The following PIK3R5 variants were observed in gnomAD, a reference collection of about 807,000 sequenced individuals.
The protein encoded by PIK3R5 is phosphoinositide 3-kinase regulatory subunit 5.
PIK3R5 carries 32 observed loss-of-function variants against 94.9 expected under a neutral mutation model. That is an observed-to-expected ratio of 0.34 (90% confidence interval 0.25 to 0.45). The LOEUF is 0.45. PIK3R5 is among the 20% of genes least tolerant of loss of function. The pLI is 1.00. For missense variants in PIK3R5, 853 were observed against 1,144.6 expected, an observed-to-expected ratio of 0.75 and a Z score of 3.68; for synonymous variants, 443 against 479.4, an observed-to-expected ratio of 0.92 and a Z score of 0.99.
rs1341285535 is a variant in PIK3R5, at chr17:8,881,719, G to A, written c.2300-7C>T. Reference sequence around the variant, plus strand: ...AGGGCCTCCATGCTGGAATCTGAGGGGCAAGGACACTCAGGCCAGGCTCAG... The same window carrying A: ...AGGGCCTCCATGCTGGAATCTGAGGAGCAAGGACACTCAGGCCAGGCTCAG... On this transcript the variant is annotated splice_polypyrimidine_tract_variant and splice_region_variant and intron_variant, in intron 16 of 18. Coordinates refer to ENST00000447110, the MANE Select transcript of PIK3R5 (RefSeq NM_001142633.3). The surrounding 1 kb of genome is among the most constrained non-coding windows in gnomAD (Gnocchi z 4.8). 2 of 1,613,646 alleles carry A rather than the reference G, an allele frequency of 1.2e-6. No individual in the cohort carries two copies. The highest frequency in any genetic ancestry group is 2.2e-5 in the East Asian group (1 of 44,876).
At chr17:8,887,776 C>G (rs906909624) in intron 10 of PIK3R5, 93 bp from the exon 11 acceptor site, 6 of 1,218,672 alleles carry the variant, frequency 4.9e-6, no homozygotes, top group Non-Finnish European at 6.9e-6. Flanking sequence ...GTGGATCACC[C>G]GAGGCCAGGA....
At position 8,882,698 on chromosome 17, in the gene PIK3R5, C is replaced by G. The variant is rs373480; in HGVS notation, c.2206-817G>C. The stretch of plus-strand genomic sequence containing the variant: ...CTCAAGCTCTTCCCCAACTGGACCC[C>G]GGCCTCTTCCTGTGGTCCCCCCAGA... On this transcript the variant is annotated intron_variant, in intron 15 of 18. Coordinates refer to ENST00000447110, the MANE Select transcript of PIK3R5 (RefSeq NM_001142633.3). The surrounding 1 kb of genome is among the most constrained non-coding windows in gnomAD (Gnocchi z 4.1). Among the ~76,000 whole-genome samples the G allele has an allele frequency of 0.19, 28,963 of 152,058 alleles. 3,847 individuals are homozygous for G. The highest frequency in any genetic ancestry group is 0.37 in the African/African-American group (15,506 of 41,412).
In PIK3R5 at chr17:8,896,230, C is replaced by T. The variant is rs2090150320; in HGVS notation, c.413-2575G>A. Among the ~76,000 whole-genome samples, 1 of 152,050 alleles carries T rather than the reference C, an allele frequency of 6.6e-6. No individual in the cohort carries two copies. Among genetic ancestry groups the T allele is most frequent in the Non-Finnish European group, 1.5e-5 (1 of 68,010 alleles). The stretch of plus-strand genomic sequence containing the variant: ...GTTTTCACAATGTTACCTGGTGATG[C>T]CAGGGAGGCCATGAATGCTAAGTGG... On this transcript the variant is annotated intron_variant, in intron 5 of 18. Transcript: ENST00000447110. This position sits in a 1 kb window ranked among gnomAD's most constrained non-coding sequence, Gnocchi z 4.0.
chr17:8,920,571 C>T (rs751056260), intron 1 of PIK3R5, among the ~76,000 whole-genome samples: 1 of 152,226 alleles, frequency 6.6e-6, no homozygotes, highest in Non-Finnish European at 1.5e-5. Flanking sequence ...CTGCTCTCCT[C>T]AAGGCTATTT....
chr17:8,882,102 G>A lies in PIK3R5; in HGVS notation c.2206-221C>T, dbSNP rs1188911630. ...TGGTCTAGGGGTCAGCAGCCTCTGT[G>A]ACCAGGTTGAAAGGTACAAGAGCTG... On this transcript the variant is annotated intron_variant, in intron 15 of 18. Transcript: ENST00000447110. This position sits in a 1 kb window ranked among gnomAD's most constrained non-coding sequence, Gnocchi z 4.1. 5 of 563,558 alleles carry A rather than the reference G, an allele frequency of 8.9e-6. No homozygotes were observed. In the East Asian group the frequency reaches 1.5e-4, roughly 17 times the overall value. The allele number at this position is 563,558 out of a possible 1,614,324, so 34.9% of individuals were successfully genotyped here.
At chr17:8,959,120 A>G (rs1165047359) in intron 1 of PIK3R5, among the ~76,000 whole-genome samples, 1 of 152,168 alleles carries the variant, frequency 6.6e-6, no homozygotes, top group Admixed American at 6.5e-5. Context: ...GAGAAATCCA[A>G]CAACAGAGCA....
At chr17:8,933,664 CAATT>C (rs1421976069) in intron 1 of PIK3R5, among the ~76,000 whole-genome samples, 1 of 151,906 alleles carries the variant, frequency 6.6e-6, no homozygotes, top group African/African-American at 2.4e-5. Context: ...CTTATCAAAA[CAATT>C]AAAAATGAAG....
chr17:8,883,537 A>G (rs537940336), intron 15 of PIK3R5, among the ~76,000 whole-genome samples: 5 of 152,232 alleles, frequency 3.3e-5, no homozygotes, highest in East Asian at 1.9e-4. Context: ...ACTGCCTCCC[A>G]CCACAGGGCC....
Position 8,880,714 on chromosome 17 carries a change from C to G in PIK3R5, c.2568G>C (p.Leu856=). ...AGAGATCAGGTGCGGCCTGGGCCGG[C>G]AGGTCAGGAGGCGTCTGGGGTGGTG... The part of the protein sequence containing the change: ...LSSPPQTPPD[L]PAQAAPDLCS... Residue 856 remains leucine, a synonymous_variant, in exon 19 of 19, where the codon CTG becomes CTC. Transcript: ENST00000447110. The G allele has an allele frequency of 6.2e-7, 1 of 1,613,922 alleles. No individual in the cohort carries two copies. The highest frequency in any genetic ancestry group is 8.5e-7 in the Non-Finnish European group (1 of 1,179,920).
chr17:8,882,415 C>G lies in PIK3R5; in HGVS notation c.2206-534G>C, dbSNP rs2089694887. 1 of 163,134 alleles carries G rather than the reference C, an allele frequency of 6.1e-6. No homozygotes were observed. The highest frequency in any genetic ancestry group is 1.4e-5 in the Non-Finnish European group (1 of 73,530). The allele number at this position is 163,134 out of a possible 1,614,324, so 10.1% of individuals were successfully genotyped here. A position where few individuals can be genotyped will look rare whatever the true frequency, so the allele number is the denominator to read the frequency against. ...TTTCTAGCGCCTCTCTGGCTGGTGC[C>G]TCTCTGCTTTGCTGGATCGCTGCCC... On this transcript the variant is annotated intron_variant, in intron 15 of 18. Transcript: ENST00000447110. The surrounding 1 kb of genome is among the most constrained non-coding windows in gnomAD (Gnocchi z 4.1).
In PIK3R5 at chr17:8,889,487, A is replaced by G. The variant is rs1276644024; in HGVS notation, c.812-265T>C. The stretch of plus-strand genomic sequence containing the variant: ...CACAACCTCTGAGCCTCATTTTACA[A>G]TGTGCCCATGGGAGAATAATAGTAC... On this transcript the variant is annotated intron_variant, in intron 8 of 18. Coordinates refer to ENST00000447110, the MANE Select transcript of PIK3R5 (RefSeq NM_001142633.3). This position sits in a 1 kb window ranked among gnomAD's most constrained non-coding sequence, Gnocchi z 4.1. Among the ~76,000 whole-genome samples, 1 of 152,190 alleles carries G rather than the reference A, an allele frequency of 6.6e-6. No individual in the cohort carries two copies. The highest frequency in any genetic ancestry group is 1.9e-4 in the East Asian group (1 of 5,196).
chr17:8,884,917 C>T lies in PIK3R5; in HGVS notation c.2129-134G>A. On this transcript the variant is annotated intron_variant, in intron 14 of 18. Transcript: ENST00000447110. The surrounding 1 kb of genome is among the most constrained non-coding windows in gnomAD (Gnocchi z 5.8). ...ACCGTGACTCCCTAGGGATCTGTCTCACCAAGGCCCTGCCTCTCTCTCTGG... is the reference window on the plus strand; with the variant it reads ...ACCGTGACTCCCTAGGGATCTGTCTTACCAAGGCCCTGCCTCTCTCTCTGG... 1 of 697,854 alleles carries T rather than the reference C, an allele frequency of 1.4e-6. No homozygotes were observed. The highest frequency in any genetic ancestry group is 2.7e-5 in the East Asian group (1 of 37,070). 43.2% of individuals were successfully genotyped at this position (697,854 alleles called of 1,614,324 possible).
In PIK3R5 at chr17:8,946,013, G is replaced by A. The variant is rs570687457; in HGVS notation, c.-14+19583C>T. 2.0e-4 allele frequency among the ~76,000 whole-genome samples: 31 copies of A among 152,284 alleles called. No homozygotes were observed. The East Asian group carries it at 3.7e-3, about 18-fold the overall frequency. ...TCATTTACAGTTTCAGTTACCAGCC[G>A]TTTGATCTTCCCAGCTGAGACCCCA... is the stretch of plus-strand genomic sequence containing the variant. On this transcript the variant is annotated intron_variant, in intron 1 of 18. Coordinates refer to ENST00000447110, the MANE Select transcript of PIK3R5 (RefSeq NM_001142633.3).
In PIK3R5 at chr17:8,893,046, CTGTGTGTGTGTGTGTGTGTGTGTG is replaced by C. The variant is rs199732856; in HGVS notation, c.482+516_482+539del. Reference sequence around the variant, plus strand: ...GTAACCAGGATACATTTCATTTCAGCTGTGTGTGTGTGTGTGTGTGTGTGTGTGTGTGTGTGTGTTTGTGTATCA... The same window carrying C: ...GTAACCAGGATACATTTCATTTCAGCTGTGTGTGTGTGTGTTTGTGTATCA... On this transcript the variant is annotated intron_variant, in intron 6 of 18. Transcript: ENST00000447110. The surrounding 1 kb of genome is among the most constrained non-coding windows in gnomAD (Gnocchi z 5.1). Among the ~76,000 whole-genome samples, 3 of 135,790 alleles carry C rather than the reference CTGTGTGTGTGTGTGTGTGTGTGTG, an allele frequency of 2.2e-5. No homozygotes were observed. Among genetic ancestry groups the C allele is most frequent in the Admixed American group, 1.4e-4 (2 of 13,820 alleles). 89.1% of individuals were successfully genotyped at this position (135,790 alleles called of 152,430 possible). A position where few individuals can be genotyped will look rare whatever the true frequency, so the allele number is the denominator to read the frequency against.
intron 1 of PIK3R5, among the ~76,000 whole-genome samples, chr17:8,917,550 A>C (rs918530655): frequency 6.6e-6 from 1 of 152,192 alleles, no homozygotes; most frequent in Non-Finnish European, 1.5e-5. Flanking sequence ...TATGTTTCTC[A>C]TATGAATGTG....
At chr17:8,918,008 T>C (rs1025515923) in intron 1 of PIK3R5, among the ~76,000 whole-genome samples, 1 of 152,256 alleles carries the variant, frequency 6.6e-6, no homozygotes, top group African/African-American at 2.4e-5. Flanking sequence ...ATGAACCTTG[T>C]GGAGTTGGAC....
At chr17:8,952,458 A>G (rs939559527) in intron 1 of PIK3R5, among the ~76,000 whole-genome samples, 30 of 152,224 alleles carry the variant, frequency 2.0e-4, no homozygotes, top group African/African-American at 7.2e-4. Context: ...AGGTGAAGTC[A>G]TCCTACAGAC....
At chr17:8,943,246 T>A (rs532401299) in intron 1 of PIK3R5, among the ~76,000 whole-genome samples, 17 of 152,050 alleles carry the variant, frequency 1.1e-4, no homozygotes, top group African/African-American at 3.9e-4. Context: ...GGCTAATTTT[T>A]AATTTTGTTT....
In PIK3R5 at chr17:8,896,670, T is replaced by C. The variant is rs2090159309; in HGVS notation, c.413-3015A>G. 6.6e-6 allele frequency among the ~76,000 whole-genome samples: 1 copy of C among 152,210 alleles called. No homozygotes were observed. The highest frequency in any genetic ancestry group is 6.5e-5 in the Admixed American group (1 of 15,290). ...CAAAGTTGCAAATAGATGGGGATCC[T>C]GCACAGAACAGCAGACTGTGAAGAT... On this transcript the variant is annotated intron_variant, in intron 5 of 18. Coordinates refer to ENST00000447110, the MANE Select transcript of PIK3R5 (RefSeq NM_001142633.3). This position sits in a 1 kb window ranked among gnomAD's most constrained non-coding sequence, Gnocchi z 4.0.
Sources: allele counts gnomAD v4.1 joint callset (sites outside exome capture counted in the v4.1 genomes callset), GRCh38; gene constraint gnomAD v4.1.1; non-coding constraint Gnocchi (gnomAD v3.1); transcripts MANE v1.5; gene names NCBI Gene and HGNC (gene_info 2026-07-23, HGNC 2026-07-21).